Variants in PTPRD observed in about 807,000 individuals in gnomAD.
The protein encoded by PTPRD is receptor-type tyrosine-protein phosphatase delta.
In PTPRD, 34 loss-of-function variants were observed where a neutral mutation model predicts 214.5. The ratio of observed to expected loss-of-function variants is 0.16; its 90% CI spans 0.12 to 0.21. The LOEUF (loss-of-function observed/expected upper bound fraction) is 0.21. Ranked by LOEUF, PTPRD falls within the 10% of genes least tolerant of loss-of-function variation. The probability of loss-of-function intolerance (pLI) is 1.00; values close to 1 mark genes in which losing one functional copy is unlikely to be tolerated. For missense variants in PTPRD, 2,545 were observed against 2,398.7 expected (o/e 1.06, Z -1.27); for synonymous variants, 1,128 against 845.7 (o/e 1.33, Z -5.79).
chr9:8,381,320 G>C (rs574128866), intron 37 of PTPRD, among the ~76,000 whole-genome samples: 1 of 152,276 alleles, frequency 6.6e-6, no homozygotes, highest in East Asian at 1.9e-4. Flanking sequence ...ATTAATTTTA[G>C]TGGGCAGAAA....
At chr9:10,088,884 GAAAT>G (rs1386306774) in intron 3 of PTPRD, among the ~76,000 whole-genome samples, 1 of 151,536 alleles carries the variant, frequency 6.6e-6, no homozygotes, top group Non-Finnish European at 1.5e-5. Context: ...TGGGGTGATG[GAAAT>G]ATTCTGGTGG....
At chr9:9,749,127 AC>A (rs1190651005) in intron 6 of PTPRD, among the ~76,000 whole-genome samples, 2 of 151,978 alleles carry the variant, frequency 1.3e-5, no homozygotes, top group Non-Finnish European at 2.9e-5. Flanking sequence ...TTGGCAGAAG[AC>A]CCTGAGCACA....
chr9:9,367,875 A>G (rs943040122), intron 9 of PTPRD, among the ~76,000 whole-genome samples: 1 of 151,728 alleles, frequency 6.6e-6, no homozygotes, highest in Non-Finnish European at 1.5e-5. Flanking sequence ...ATAAGATAAT[A>G]GAGGTCTATT....
intron 7 of PTPRD, among the ~76,000 whole-genome samples, chr9:9,575,139 A>G (rs988799790): frequency 6.6e-6 from 1 of 152,182 alleles, no homozygotes; most frequent in African/African-American, 2.4e-5. Flanking sequence ...GATATAACAT[A>G]CATCCCGATA....
intron 5 of PTPRD, among the ~76,000 whole-genome samples, chr9:9,900,979 A>G (rs554713236): frequency 1.3e-5 from 2 of 152,282 alleles, no homozygotes; most frequent in East Asian, 3.9e-4. Flanking sequence ...ACAAGGAAAT[A>G]TCTGAGGCTG....
At chr9:9,072,007 A>G (rs762252822) in intron 10 of PTPRD, among the ~76,000 whole-genome samples, 1 of 152,128 alleles carries the variant, frequency 6.6e-6, no homozygotes, top group Admixed American at 6.5e-5. Flanking sequence ...GCACAGTCAT[A>G]TCAGAGCTCC....
chr9:10,125,385 T>G (rs72696903), intron 3 of PTPRD, among the ~76,000 whole-genome samples: 7,652 of 148,990 alleles, frequency 0.051, 302 homozygotes, highest in Admixed American at 0.1. Context: ...CGTTTTTATC[T>G]TCTTTTTTAT....
At chr9:8,485,090 T>G in intron 29 of PTPRD, 137 bp downstream of exon 29, 1 of 667,896 alleles carries the variant, frequency 1.5e-6, no homozygotes. Flanking sequence ...CTGTCTCCCA[T>G]GTGAAAGTCA....
At chr9:9,109,455 T>C (rs2099803065) in intron 10 of PTPRD, among the ~76,000 whole-genome samples, 1 of 152,094 alleles carries the variant, frequency 6.6e-6, no homozygotes, top group South Asian at 2.1e-4. Flanking sequence ...TGCTCTAAAA[T>C]GAAGATGCAA....
In PTPRD at chr9:9,734,573, T is replaced by A. The variant is rs2154444791; in HGVS notation, c.-325-2A>T. On this transcript the variant is annotated splice_acceptor_variant, in intron 6 of 45. Transcript: ENST00000381196. LOFTEE classifies it low-confidence loss of function (5UTR_SPLICE). ...ACCAGAAGATCAAGGAGTCCAAGCC[T>A]GATAAAAAGCAAAACAGAGGAAAGA... is the stretch of plus-strand genomic sequence containing the variant. The A allele has an allele frequency of 6.6e-6, 1 of 152,192 alleles. No homozygotes were observed. The highest frequency in any genetic ancestry group is 2.4e-5 in the African/African-American group (1 of 41,556). 9.4% of individuals were successfully genotyped at this position (152,192 alleles called of 1,614,324 possible). A position where few individuals can be genotyped will look rare whatever the true frequency, so the allele number is the denominator to read the frequency against.
At chr9:9,679,372 GTCAA>G (rs2097014852) in intron 7 of PTPRD, among the ~76,000 whole-genome samples, 1 of 151,656 alleles carries the variant, frequency 6.6e-6, no homozygotes, top group East Asian at 1.9e-4. Context: ...TGAATATATA[GTCAA>G]TCAATCCATA....
At chr9:9,951,244 C>A (rs2093428736) in intron 4 of PTPRD, among the ~76,000 whole-genome samples, 1 of 152,148 alleles carries the variant, frequency 6.6e-6, no homozygotes, top group Admixed American at 6.5e-5. Context: ...CTTGGGGCAT[C>A]CATCTCCAAT....
chr9:10,084,711 T>C (rs2098300789), intron 3 of PTPRD, among the ~76,000 whole-genome samples: 2 of 151,984 alleles, frequency 1.3e-5, no homozygotes, highest in African/African-American at 2.4e-5. Context: ...CAACTCTGCC[T>C]TGTGGTGTGA....
intron 9 of PTPRD, among the ~76,000 whole-genome samples, chr9:9,269,560 T>C (rs1441314129): frequency 6.6e-6 from 1 of 151,482 alleles, no homozygotes; most frequent in South Asian, 2.1e-4. Context: ...ACTTCCATGT[T>C]GATCACAGCA....
chr9:9,244,615 A>T (rs1470408879), intron 9 of PTPRD, among the ~76,000 whole-genome samples: 4 of 152,208 alleles, frequency 2.6e-5, no homozygotes, highest in African/African-American at 9.6e-5. Flanking sequence ...ACCCTTCCTT[A>T]CACCTTATAC....
chr9:10,052,236 G>A (rs2097547879), intron 3 of PTPRD, among the ~76,000 whole-genome samples: 1 of 152,114 alleles, frequency 6.6e-6, no homozygotes, highest in South Asian at 2.1e-4. Flanking sequence ...TGCTTCACCT[G>A]CCTTTACAAA....
At chr9:10,598,360 G>C (rs924176744) in intron 2 of PTPRD, among the ~76,000 whole-genome samples, 2 of 151,708 alleles carry the variant, frequency 1.3e-5, no homozygotes, top group African/African-American at 4.8e-5. Flanking sequence ...CATGATTTCT[G>C]CTTGGAACTC....
chr9:9,134,364 C>A (rs531853889), intron 10 of PTPRD, among the ~76,000 whole-genome samples: 2 of 136,948 alleles, frequency 1.5e-5, no homozygotes, highest in East Asian at 4.4e-4. Flanking sequence ...TGAGCCACCG[C>A]GCCCGTAGAA....
chr9:8,998,154 G>C (rs1039175485), intron 11 of PTPRD, among the ~76,000 whole-genome samples: 1 of 152,026 alleles, frequency 6.6e-6, no homozygotes, highest in Non-Finnish European at 1.5e-5. Flanking sequence ...AATTGATGAA[G>C]GTGGCTACAT....
Sources: allele counts gnomAD v4.1 joint callset (sites outside exome capture counted in the v4.1 genomes callset), GRCh38; gene constraint gnomAD v4.1.1; transcripts MANE v1.5; gene names NCBI Gene and HGNC (gene_info 2026-07-23, HGNC 2026-07-21).